SYNE2: variants seen among roughly 807,000 people sequenced by gnomAD.
SYNE2 encodes the protein spectrin repeat containing nuclear envelope protein 2, also known as nesprin-2.
SYNE2 carries 431 observed loss-of-function variants against 856.3 expected under a neutral mutation model. That is an observed-to-expected ratio of 0.50 (90% CI 0.47 to 0.55). The LOEUF (loss-of-function observed/expected upper bound fraction) is 0.55. Among genes scored for constraint, SYNE2 ranks in the 20% least tolerant of loss-of-function variants. SYNE2 has a pLI of 0.00. For missense variants in SYNE2, 8,129 were observed against 8,023.2 expected (o/e 1.01, Z -0.50); for synonymous variants, 2,923 against 2,872.3 (o/e 1.02, Z -0.56).
At chr14:63,990,868 C>G in intron 20 of SYNE2, 74 bp from the exon 21 acceptor site, 1 of 1,242,424 alleles carries the variant, frequency 8.0e-7, no homozygotes, top group South Asian at 1.3e-5. Context: ...GGGAAAATAA[C>G]AAAGTATTTG....
At position 64,078,590 on chromosome 14, in the gene SYNE2, C is replaced by T. The variant is rs1439289343; in HGVS notation, c.11147C>T (p.Ala3716Val). 1.2e-6 allele frequency: 2 copies of T among 1,613,890 alleles called. No individual in the cohort carries two copies. Among genetic ancestry groups the T allele is most frequent in the Admixed American group, 1.7e-5 (1 of 59,998 alleles). The change falls in exon 55 of 116, where the codon GCT (alanine) becomes GTT (valine). Residue 3716 changes from alanine to valine, a missense_variant. Transcript: ENST00000555002. ...LQQKSKNIEK[A>V]QEIQKKMWDE... ...CAGAAAAGCAAAAATATTGAGAAAG[C>T]TCAAGAAATTCAAAAGGTAAAATCC...
intron 64 of SYNE2, among the ~76,000 whole-genome samples, chr14:64,105,690 C>T (rs1302337983): frequency 2.0e-5 from 3 of 152,142 alleles, no homozygotes; most frequent in Admixed American, 2.0e-4. Context: ...TTTGGTTAAT[C>T]TTAAAAGAAG....
chr14:64,183,579 GGTT>G (rs2098472582), intron 96 of SYNE2, among the ~76,000 whole-genome samples: 1 of 152,182 alleles, frequency 6.6e-6, no homozygotes, highest in African/African-American at 2.4e-5. Flanking sequence ...GGGAGGTGGA[GGTT>G]GTAGCGAGCC....
intron 99 of SYNE2, among the ~76,000 whole-genome samples, chr14:64,200,721 C>T (rs79398136): frequency 0.15 from 22,599 of 152,262 alleles, 2,233 homozygotes; most frequent in Middle Eastern, 0.22. Context: ...CTTATCACAA[C>T]TGTAAGTTGC....
rs534668436 is a variant in SYNE2 at position 64,143,663 on chromosome 14, C to G, written c.15307-109C>G. The G allele has an allele frequency of 3.0e-4, 349 of 1,166,554 alleles. 17 individuals are homozygous for G. In the South Asian group the frequency reaches 4.3e-3, roughly 14 times the overall value. The allele number at this position is 1,166,554 out of a possible 1,614,324, so 72.3% of individuals were successfully genotyped here. A position where few individuals can be genotyped will look rare whatever the true frequency, so the allele number is the denominator to read the frequency against. On this transcript the variant is annotated intron_variant, in intron 82 of 115. Coordinates refer to ENST00000555002, the MANE Select transcript of SYNE2 (RefSeq NM_182914.3). ...TAGAACAGAACTCCTGACAGGTGCC[C>G]CTTGATTAATGGACGGGAGCTTGGT...
chr14:64,179,260 C>A (rs1363128494), intron 96 of SYNE2, among the ~76,000 whole-genome samples: 1 of 152,156 alleles, frequency 6.6e-6, no homozygotes, highest in Non-Finnish European at 1.5e-5. Flanking sequence ...CCTCAGCCTC[C>A]CAAGTAGCTG....
chr14:64,127,035 C>CG (rs1193268110), intron 73 of SYNE2, among the ~76,000 whole-genome samples: 1 of 151,998 alleles, frequency 6.6e-6, no homozygotes, highest in Non-Finnish European at 1.5e-5. Flanking sequence ...CCAAGGCAGG[C>CG]GGATCACCTG....
chr14:64,067,503 AG>A (rs2097366653), intron 51 of SYNE2, among the ~76,000 whole-genome samples: 1 of 152,224 alleles, frequency 6.6e-6, no homozygotes, highest in African/African-American at 2.4e-5. Flanking sequence ...TTCAATAAAA[AG>A]TATATCATCT....
At chr14:63,837,943 G>GAGCA (rs1302552016) in intron 1 of SYNE2, among the ~76,000 whole-genome samples, 7 of 85,094 alleles carry the variant, frequency 8.2e-5, no homozygotes, top group Admixed American at 3.4e-4. Context: ...AAAAAAAAAA[G>GAGCA]AGCAAAGTAT....
chr14:64,221,555 T>C (rs1272659083), intron 111 of SYNE2, 21 bp from the exon 112 acceptor site: 1 of 1,614,118 alleles, frequency 6.2e-7, no homozygotes, highest in Admixed American at 1.7e-5. Flanking sequence ...ACGGCCGCGC[T>C]CTGATGTGTT....
At chr14:63,819,918 A>T (rs986976993) in intron 1 of SYNE2, among the ~76,000 whole-genome samples, 1 of 152,214 alleles carries the variant, frequency 6.6e-6, no homozygotes, top group East Asian at 1.9e-4. Context: ...TTAAAAATAC[A>T]TCAAAACATA....
At chr14:63,950,114 C>A in intron 7 of SYNE2, 108 bp downstream of exon 7, 4 of 1,210,082 alleles carry the variant, frequency 3.3e-6, no homozygotes, top group Non-Finnish European at 4.9e-6. Flanking sequence ...TCTCACTATC[C>A]CCCTTCCTCT....
rs143031135 is a variant in SYNE2 at position 64,049,700 on chromosome 14, G to C, written c.7467G>C (p.Leu2489Phe). Residue 2489 changes from leucine to phenylalanine, a missense_variant, in exon 47 of 116, where the codon TTG becomes TTC. Physicochemically the swap from Leu to Phe is conservative, Grantham distance 22. This residue lies in a region of SYNE2 where 5,410 missense variants were observed against 5,284.8 expected (regional missense o/e 1.02). Transcript: ENST00000555002. ...TTAACAAAACAGAAACTGGGGCCTT[G>C]GTTCTCCACAATATAGGATATTCGG... ...ECLNKTETGA[L>F]VLHNIGYSAQ... is the part of the protein sequence containing the mutation. The C allele has an allele frequency of 2.5e-4, 406 of 1,614,090 alleles. 2 individuals are homozygous for C. In the East Asian group the frequency reaches 7.9e-3, roughly 31 times the overall value.
intron 19 of SYNE2, among the ~76,000 whole-genome samples, chr14:63,988,605 C>T (rs565863159): frequency 2.6e-5 from 4 of 152,196 alleles, no homozygotes; most frequent in South Asian, 4.2e-4. Context: ...TTTATCATAC[C>T]CATGTATATT....
At chr14:64,206,363 G>A (rs1183831710) in intron 100 of SYNE2, among the ~76,000 whole-genome samples, 2 of 152,176 alleles carry the variant, frequency 1.3e-5, no homozygotes, top group Non-Finnish European at 2.9e-5. Context: ...TTAGGTCTCC[G>A]TGGTTACTAG....
intron 1 of SYNE2, among the ~76,000 whole-genome samples, chr14:63,861,843 A>G (rs148760461): frequency 2.6e-5 from 4 of 152,362 alleles, no homozygotes; most frequent in East Asian, 1.9e-4. Flanking sequence ...AACAAATTCA[A>G]AATGATACAG....
chr14:63,925,727 T>C (rs1238330357), intron 2 of SYNE2, among the ~76,000 whole-genome samples: 1 of 152,238 alleles, frequency 6.6e-6, no homozygotes, highest in Non-Finnish European at 1.5e-5. Context: ...TTCAGTTGTT[T>C]TAATTTTTAG....
Position 63,963,937 on chromosome 14 carries a change from A to G in SYNE2, c.927A>G (p.Gln309=). The G allele has an allele frequency of 6.2e-7, 1 of 1,613,222 alleles. No individual in the cohort carries two copies. The highest frequency in any genetic ancestry group is 8.5e-7 in the Non-Finnish European group (1 of 1,179,292). ...VKDAMGWLTL[Q]KEKLQKLLKD... ...ATGCTATGGGCTGGTTAACTCTGCAAAAGGAAAAACTACAGAAGTTGCTAA... is the reference window on the plus strand; with the variant it reads ...ATGCTATGGGCTGGTTAACTCTGCAGAAGGAAAAACTACAGAAGTTGCTAA... The change falls in exon 10 of 116, where the codon CAA becomes CAG. Residue 309 remains glutamine, a synonymous_variant. Coordinates refer to ENST00000555002, the MANE Select transcript of SYNE2 (RefSeq NM_182914.3).
rs2097265731 is a variant in SYNE2, at chr14:64,055,981, A to G, written c.9782A>G (p.Tyr3261Cys). Reference sequence around the variant, plus strand: ...GATGCTTATGAAAATCTAACACGCTATAAAGAAGCAGTCACCAGGGCAGTG... The same window carrying G: ...GATGCTTATGAAAATCTAACACGCTGTAAAGAAGCAGTCACCAGGGCAGTG... ...LNDAYENLTR[Y>C]KEAVTRAVES... The change falls in exon 49 of 116, where the codon TAT (tyrosine) becomes TGT (cysteine). Residue 3261 changes from tyrosine (Y) to cysteine (C), a missense_variant. This residue lies in a region of SYNE2 where 5,410 missense variants were observed against 5,284.8 expected (regional missense o/e 1.02). Transcript: ENST00000555002. 8 of 1,614,084 alleles carry G rather than the reference A, an allele frequency of 5.0e-6. No homozygotes were observed. Among genetic ancestry groups the G allele is most frequent in the Middle Eastern group, 1.6e-4 (1 of 6,062 alleles).
Sources: allele counts gnomAD v4.1 joint callset (sites outside exome capture counted in the v4.1 genomes callset), GRCh38; gene constraint gnomAD v4.1.1; regional missense constraint gnomAD v4.1.1; transcripts MANE v1.5; gene names NCBI Gene and HGNC (gene_info 2026-07-23, HGNC 2026-07-21).